CDKN2A: variants seen among roughly 807,000 people sequenced by gnomAD.
CDKN2A encodes cyclin dependent kinase inhibitor 2A, also known as cyclin-dependent kinase inhibitor 2A.
In CDKN2A, 3 loss-of-function variants were observed where a neutral mutation model predicts 11.1. The observed-to-expected ratio is 0.27, with a 90% CI of 0.12 to 0.70. The LOEUF (loss-of-function observed/expected upper bound fraction) is 0.70. CDKN2A is among the 30% of genes least tolerant of loss of function. CDKN2A has a pLI of 0.77. For missense variants in CDKN2A, 265 were observed against 233.6 expected (o/e 1.13, Z -0.88); for synonymous variants, 122 against 108.1 (o/e 1.13, Z -0.80).
At chr9:21,994,441 C>G (rs1487411814) in intron 1 of CDKN2A, 49 of 1,567,198 alleles carry the variant, frequency 3.1e-5, no homozygotes, top group Non-Finnish European at 3.9e-5. Context: ...ACCCACGCAC[C>G]GCCCCCTGCC....
Position 21,968,145 on chromosome 9 carries a change from G to A in CDKN2A, c.*84C>T, listed in dbSNP as rs1819497918. 5 of 1,107,854 alleles carry A rather than the reference G, an allele frequency of 4.5e-6. No homozygotes were observed. Among genetic ancestry groups the A allele is most frequent in the Admixed American group, 1.9e-5 (1 of 51,360 alleles). 68.6% of individuals were successfully genotyped at this position (1,107,854 alleles called of 1,614,324 possible). On this transcript the variant is annotated 3_prime_UTR_variant, in exon 3 of 3. Coordinates refer to ENST00000304494, the MANE Select transcript of CDKN2A (RefSeq NM_000077.5). This position sits in a 1 kb window ranked among gnomAD's most constrained non-coding sequence, Gnocchi z 4.7. ...AAACTACGAAAGCGGGGTGGGTTGTGGCGGGGGCAGTTGTGGCCCTGTAGG... is the reference window on the plus strand; with the variant it reads ...AAACTACGAAAGCGGGGTGGGTTGTAGCGGGGGCAGTTGTGGCCCTGTAGG...
At chr9:21,994,680 C>A (rs1348764250) in intron 1 of CDKN2A, 1 of 323,138 alleles carries the variant, frequency 3.1e-6, no homozygotes, top group Non-Finnish European at 5.7e-6. Context: ...CTTTCCCGCC[C>A]TGTGTGCGCC....
rs398123152 is a variant in CDKN2A, at chr9:21,974,721, GC to G, written c.106del (p.Ala36ArgfsTer17). 1 of 1,602,866 alleles carries G rather than the reference GC, an allele frequency of 6.2e-7. No individual in the cohort carries two copies. Among genetic ancestry groups the G allele is most frequent in the Admixed American group, 1.7e-5 (1 of 59,398 alleles). ...GTAACTATTCGGTGCGTTGGGCAGC[GC>G]CCCCGCCTCCAGCAGCGCCCGCACC... is the stretch of plus-strand genomic sequence containing the variant. ...EEVRALLEAG[A>X]LPNAPNSYGR... On this transcript the variant is annotated frameshift_variant, in exon 1 of 3. Transcript: ENST00000304494. LOFTEE classifies it high-confidence loss of function. This position sits in a 1 kb window ranked among gnomAD's most constrained non-coding sequence, Gnocchi z 5.2.
intron 2 of CDKN2A, among the ~76,000 whole-genome samples, chr9:21,980,634 T>A (rs1019233920): frequency 5.9e-5 from 9 of 152,062 alleles, no homozygotes; most frequent in African/African-American, 2.2e-4. Flanking sequence ...GGTTTCTTAG[T>A]CAAGAGCATG....
chr9:21,979,133 A>C (rs1357680909), upstream of CDKN2A, among the ~76,000 whole-genome samples: 1 of 152,242 alleles, frequency 6.6e-6, no homozygotes, highest in Admixed American at 6.5e-5. Context: ...AAGATGGAAA[A>C]GAAGGAGAAA....
chr9:21,982,423 T>C (rs181535424), intron 2 of CDKN2A, among the ~76,000 whole-genome samples: 1 of 152,270 alleles, frequency 6.6e-6, no homozygotes, highest in Non-Finnish European at 1.5e-5. Flanking sequence ...TGTACTCTTG[T>C]GAAATGAGGG....
In CDKN2A at chr9:21,980,995, T is replaced by C. The variant is rs1324905278; in HGVS notation, c.-3-9787A>G. Among the ~76,000 whole-genome samples, 2 of 19,224 alleles carry C rather than the reference T, an allele frequency of 1.0e-4. 1 individual carries two copies. Among genetic ancestry groups the C allele is most frequent in the African/African-American group, 3.7e-4 (2 of 5,404 alleles). The allele number at this position is 19,224 out of a possible 152,430, so 12.6% of individuals were successfully genotyped here. ...ATGTATATATATATATACACGTATATATATATACGTGTATATATATATATA... is the reference window on the plus strand; with the variant it reads ...ATGTATATATATATATACACGTATACATATATACGTGTATATATATATATA... On this transcript the variant is annotated intron_variant, in intron 2 of 3. Transcript: ENST00000494262.
chr9:21,981,707 T>C (rs775742638), intron 2 of CDKN2A, among the ~76,000 whole-genome samples: 2 of 151,890 alleles, frequency 1.3e-5, no homozygotes, highest in Non-Finnish European at 1.5e-5. Context: ...AAACAGATTG[T>C]GGTTTAGCCC....
At chr9:21,979,358 G>A (rs750698470), upstream of CDKN2A, among the ~76,000 whole-genome samples, 3 of 152,204 alleles carry the variant, frequency 2.0e-5, no homozygotes, top group Non-Finnish European at 4.4e-5. Flanking sequence ...CCTATGCCAT[G>A]AAGTGAGGCA....
rs146179135 is a variant in CDKN2A, at chr9:21,970,986, C to G, written c.373G>C (p.Asp125His). The G allele has an allele frequency of 3.5e-4, 569 of 1,610,420 alleles. No individual in the cohort carries two copies. The highest frequency in any genetic ancestry group is 4.6e-4 in the Non-Finnish European group (546 of 1,180,002). ...GCCGCGCGCAGGTACCGTGCGACAT[C>G]GCGATGGCCCAGCTCCTCAGCCAGG... Reference protein sequence around the residue: ...VDLAEELGHRDVARYLRAAAG... With the variant: ...VDLAEELGHRHVARYLRAAAG... The change falls in exon 2 of 3, where the codon GAT becomes CAT. Residue 125 changes from aspartate to histidine, a missense_variant. Physicochemically the swap from Asp to His is moderately conservative, Grantham distance 81. Coordinates refer to ENST00000304494, the MANE Select transcript of CDKN2A (RefSeq NM_000077.5).
upstream of CDKN2A, among the ~76,000 whole-genome samples, chr9:21,977,554 C>A (rs12350633): frequency 3.9e-5 from 6 of 152,024 alleles, no homozygotes; most frequent in Non-Finnish European, 7.4e-5. Flanking sequence ...TTAGTAGAGA[C>A]GGGGTTTCAC....
chr9:21,990,890 G>C (rs2131141584), intron 2 of CDKN2A, among the ~76,000 whole-genome samples: 1 of 152,282 alleles, frequency 6.6e-6, no homozygotes, highest in East Asian at 1.9e-4. Context: ...TAAAATAGCT[G>C]AATGAAAGTG....
At chr9:21,978,068 T>C (rs1820082883), upstream of CDKN2A, among the ~76,000 whole-genome samples, 1 of 146,220 alleles carries the variant, frequency 6.8e-6, no homozygotes, top group East Asian at 2.0e-4. Context: ...CATCCTTGGG[T>C]GGGGCCATTT....
intron 2 of CDKN2A, among the ~76,000 whole-genome samples, chr9:21,986,937 A>C (rs1412715549): frequency 6.6e-6 from 1 of 152,038 alleles, no homozygotes; most frequent in East Asian, 1.9e-4. Context: ...AGAGTTATAC[A>C]ATTGCTGAGT....
At chr9:21,987,430 CACAG>C (rs1480573202) in intron 2 of CDKN2A, among the ~76,000 whole-genome samples, 98 of 121,302 alleles carry the variant, frequency 8.1e-4, no homozygotes, top group African/African-American at 2.5e-3. Flanking sequence ...CACACACACA[CACAG>C]AGAGAGAGAG....
intron 2 of CDKN2A, among the ~76,000 whole-genome samples, chr9:21,984,228 C>A (rs955613949): frequency 3.3e-5 from 5 of 151,872 alleles, no homozygotes; most frequent in Non-Finnish European, 7.4e-5. Context: ...TGAATTCTAA[C>A]CCTCTGAAAA....
upstream of CDKN2A, among the ~76,000 whole-genome samples, chr9:21,976,553 T>TA (rs1182624227): frequency 6.6e-6 from 1 of 151,234 alleles, no homozygotes; most frequent in Non-Finnish European, 1.5e-5. Flanking sequence ...CTGTCTCTAC[T>TA]AAAAAATACA....
At chr9:21,977,923 G>A (rs1176218874), upstream of CDKN2A, among the ~76,000 whole-genome samples, 1 of 152,028 alleles carries the variant, frequency 6.6e-6, no homozygotes, top group Non-Finnish European at 1.5e-5. Context: ...AAGAAGATGG[G>A]AGATGCAACC....
Position 21,991,922 on chromosome 9 carries a change from A to T in CDKN2A, c.-4+1960T>A, listed in dbSNP as rs1176929225. Reference sequence around the variant, plus strand: ...ACTCTGTGCTATTAAAGAAAAAAATAACCTGAGCCTTCTGAAGTAGCTATA... The same window carrying T: ...ACTCTGTGCTATTAAAGAAAAAAATTACCTGAGCCTTCTGAAGTAGCTATA... On this transcript the variant is annotated intron_variant, in intron 2 of 3. Transcript: ENST00000494262. This position sits in a 1 kb window ranked among gnomAD's most constrained non-coding sequence, Gnocchi z 5.2. 1 of 984,972 alleles carries T rather than the reference A, an allele frequency of 1.0e-6. No homozygotes were observed. Among genetic ancestry groups the T allele is most frequent in the Non-Finnish European group, 1.2e-6 (1 of 829,630 alleles). 61.0% of individuals were successfully genotyped at this position (984,972 alleles called of 1,614,324 possible).
Sources: allele counts gnomAD v4.1 joint callset (sites outside exome capture counted in the v4.1 genomes callset), GRCh38; gene constraint gnomAD v4.1.1; non-coding constraint Gnocchi (gnomAD v3.1); transcripts MANE v1.5; gene names NCBI Gene and HGNC (gene_info 2026-07-23, HGNC 2026-07-21).